The following KRTAP3-1 variants were observed in gnomAD, a reference collection of about 807,000 sequenced individuals.
KRTAP3-1 encodes the protein keratin associated protein 3-1.
Under a neutral mutation model 2.8 loss-of-function variants are expected in KRTAP3-1, and 3 were observed. That is an observed-to-expected ratio of 1.07 (90% CI 0.49 to 2.78). The LOEUF is 2.78. KRTAP3-1 is among the 30% of genes most tolerant of loss of function. KRTAP3-1 has a pLI of 0.04. For missense variants in KRTAP3-1, 130 were observed against 127.6 expected (o/e 1.02, Z -0.09); for synonymous variants, 47 against 49.1 (o/e 0.96, Z 0.18).
Position 41,008,884 on chromosome 17 carries a change from G to T in KRTAP3-1, c.191C>A (p.Thr64Asn). The change falls in exon 1 of 1, where the codon ACT becomes AAT. Residue 64 changes from threonine (T) to asparagine (N), a missense_variant. By Grantham distance (65) the Thr-to-Asn change is moderately conservative. Coordinates refer to ENST00000391588, the MANE Select transcript of KRTAP3-1 (RefSeq NM_031958.2). ...PCCKPDTYVP[T>N]CWLLNNCHPT... ...GTGACAGTTGTTGAGCAGCCAGCAA[G>T]TTGGCACATAGGTATCAGGCTTGCA... The T allele has an allele frequency of 1.9e-6, 3 of 1,614,228 alleles. No individual in the cohort carries two copies. Among genetic ancestry groups the T allele is most frequent in the Non-Finnish European group, 2.5e-6 (3 of 1,180,044 alleles).
At position 41,008,922 on chromosome 17, in the gene KRTAP3-1, G is replaced by T. The variant is rs112432710; in HGVS notation, c.153C>A (p.Cys51Ter). The change falls in exon 1 of 1, where the codon TGC (cysteine) becomes TGA (stop). Residue 51 changes from cysteine (C) to a stop codon, truncating the protein, a stop_gained. Coordinates refer to ENST00000391588, the MANE Select transcript of KRTAP3-1 (RefSeq NM_031958.2). LOFTEE classifies it high-confidence loss of function. The part of the protein sequence containing the change: ...SLLQPICCDT[C>*]PPPCCKPDTY... ...TATCAGGCTTGCAGCAGGGTGGGGG[G>T]CAGGTGTCACAGCAGATGGGCTGAA... 3.7e-6 allele frequency: 6 copies of T among 1,614,192 alleles called. No individual in the cohort carries two copies. Among genetic ancestry groups the T allele is most frequent in the Non-Finnish European group, 5.1e-6 (6 of 1,180,034 alleles).
chr17:41,008,851 G>A lies in KRTAP3-1; in HGVS notation c.224C>T (p.Pro75Leu). Reference protein sequence around the residue: ...CWLLNNCHPTPGLSGINLTTY... With the variant: ...CWLLNNCHPTLGLSGINLTTY... ...GGTCAGGTTGATCCCACTCAGTCCG[G>A]GAGTCGGGTGACAGTTGTTGAGCAG... is the stretch of plus-strand genomic sequence containing the variant. The change falls in exon 1 of 1, where the codon CCC (proline) becomes CTC (leucine). Residue 75 changes from proline (P) to leucine (L), a missense_variant. By Grantham distance (98) the Pro-to-Leu change is moderately conservative (BLOSUM62 -3). Transcript: ENST00000391588. 1 of 1,614,198 alleles carries A rather than the reference G, an allele frequency of 6.2e-7. No individual in the cohort carries two copies. Among genetic ancestry groups the A allele is most frequent in the Non-Finnish European group, 8.5e-7 (1 of 1,180,042 alleles).
At position 41,008,948 on chromosome 17, in the gene KRTAP3-1, G is replaced by A; in HGVS notation, c.127C>T (p.Leu43Phe). 1 of 1,614,252 alleles carries A rather than the reference G, an allele frequency of 6.2e-7. No individual in the cohort carries two copies. The highest frequency in any genetic ancestry group is 8.5e-7 in the Non-Finnish European group (1 of 1,180,052). Residue 43 changes from leucine to phenylalanine, a missense_variant, in exon 1 of 1, where the codon CTT becomes TTT. Transcript: ENST00000391588. ...CAGGTGTCACAGCAGATGGGCTGAA[G>A]GAGGCTGATCTCATGTGGGCAGGTG... ...PSTCPHEISL[L>F]QPICCDTCPP...
chr17:41,009,059 G>A lies in KRTAP3-1; in HGVS notation c.16C>T (p.Leu6Phe). ...CCGGTGGGGACGCTGCAGGAGCGGA[G>A]AGCACAGCAATACATGGCAATGGGA... MYCCALRSCSVPTGPA... is the reference protein window; with the variant it reads MYCCAFRSCSVPTGPA... Residue 6 changes from leucine (L) to phenylalanine (F), a missense_variant, in exon 1 of 1, where the codon CTC (leucine) becomes TTC (phenylalanine). By Grantham distance (22) the Leu-to-Phe change is conservative (BLOSUM62 0). Transcript: ENST00000391588. 1 of 1,613,934 alleles carries A rather than the reference G, an allele frequency of 6.2e-7. No individual in the cohort carries two copies. Among genetic ancestry groups the A allele is most frequent in the Non-Finnish European group, 8.5e-7 (1 of 1,179,914 alleles).
Position 41,008,754 on chromosome 17 carries a change from C to T in KRTAP3-1, c.*24G>A, listed in dbSNP as rs9891464. The T allele has an allele frequency of 8.3e-6, 13 of 1,575,736 alleles. No homozygotes were observed. Among genetic ancestry groups the T allele is most frequent in the East Asian group, 4.5e-5 (2 of 44,532 alleles). On this transcript the variant is annotated 3_prime_UTR_variant, in exon 1 of 1. Transcript: ENST00000391588. ...CAGAGGACATTGGGCAGCCACCTCA[C>T]GGAACCTGTGCAGACTCGGCTGGTT...
In KRTAP3-1 at chr17:41,008,824, G is replaced by C. The variant is rs776755530; in HGVS notation, c.251C>G (p.Thr84Ser). Residue 84 changes from threonine (T) to serine (S), a missense_variant, in exon 1 of 1, where the codon ACC (threonine) becomes AGC (serine). Thr to Ser is a moderately conservative substitution (Grantham distance 58, BLOSUM62 1). Transcript: ENST00000391588. ...ACTCTCACAGCCAGGCTGAACATAG[G>C]TGGTCAGGTTGATCCCACTCAGTCC... ...TPGLSGINLT[T>S]YVQPGCESPC... 35 of 1,613,928 alleles carry C rather than the reference G, an allele frequency of 2.2e-5. 1 individual carries two copies. The South Asian group carries it at 2.9e-4, about 13-fold the overall frequency.
In KRTAP3-1 at chr17:41,008,544, A is replaced by T; in HGVS notation, c.*234T>A. 1 of 504,290 alleles carries T rather than the reference A, an allele frequency of 2.0e-6. No individual in the cohort carries two copies. Among genetic ancestry groups the T allele is most frequent in the East Asian group, 3.0e-5 (1 of 33,614 alleles). The allele number at this position is 504,290 out of a possible 1,614,324, so 31.2% of individuals were successfully genotyped here. A position where few individuals can be genotyped will look rare whatever the true frequency, so the allele number is the denominator to read the frequency against. On this transcript the variant is annotated 3_prime_UTR_variant, in exon 1 of 1. Coordinates refer to ENST00000391588, the MANE Select transcript of KRTAP3-1 (RefSeq NM_031958.2). ...TATTTGCTAAGCCAGAATAAAGTTT[A>T]TTAACAAATGGTCAAAATGGTTATT...
Position 41,009,055 on chromosome 17 carries a change from C to T in KRTAP3-1, c.20G>A (p.Arg7His), listed in dbSNP as rs141325742. Reference protein sequence around the residue: MYCCALRSCSVPTGPAT... With the variant: MYCCALHSCSVPTGPAT... ...AGGGCCGGTGGGGACGCTGCAGGAG[C>T]GGAGAGCACAGCAATACATGGCAAT... is the stretch of plus-strand genomic sequence containing the variant. The change falls in exon 1 of 1, where the codon CGC becomes CAC. Residue 7 changes from arginine to histidine, a missense_variant. By Grantham distance (29) the Arg-to-His change is conservative. Coordinates refer to ENST00000391588, the MANE Select transcript of KRTAP3-1 (RefSeq NM_031958.2). The T allele has an allele frequency of 8.2e-5, 133 of 1,613,632 alleles. No homozygotes were observed. Among genetic ancestry groups the T allele is most frequent in the African/African-American group, 8.0e-4 (60 of 74,866 alleles).
Position 41,008,571 on chromosome 17 carries a change from C to T in KRTAP3-1, c.*207G>A. 1.9e-6 allele frequency: 1 copy of T among 525,232 alleles called. No individual in the cohort carries two copies. Among genetic ancestry groups the T allele is most frequent in the Non-Finnish European group, 3.3e-6 (1 of 299,924 alleles). The allele number at this position is 525,232 out of a possible 1,614,324, so 32.5% of individuals were successfully genotyped here. On this transcript the variant is annotated 3_prime_UTR_variant, in exon 1 of 1. Transcript: ENST00000391588. The stretch of plus-strand genomic sequence containing the variant: ...TAACAAATGGTCAAAATGGTTATTT[C>T]TCAAAGAGTGATGAAATAGCCTAAA...
rs769933808 is a variant in KRTAP3-1 at position 41,008,935 on chromosome 17, C to A, written c.140G>T (p.Cys47Phe). Residue 47 changes from cysteine (C) to phenylalanine (F), a missense_variant, in exon 1 of 1, where the codon TGC (cysteine) becomes TTC (phenylalanine). Transcript: ENST00000391588. Reference protein sequence around the residue: ...PHEISLLQPICCDTCPPPCCK... With the variant: ...PHEISLLQPIFCDTCPPPCCK... ...GCAGGGTGGGGGGCAGGTGTCACAG[C>A]AGATGGGCTGAAGGAGGCTGATCTC... 3.1e-6 allele frequency: 5 copies of A among 1,614,090 alleles called. No individual in the cohort carries two copies. The highest frequency in any genetic ancestry group is 1.3e-5 in the African/African-American group (1 of 74,916).
chr17:41,008,915 G>A lies in KRTAP3-1; in HGVS notation c.160C>T (p.Pro54Ser). The change falls in exon 1 of 1, where the codon CCC becomes TCC. Residue 54 changes from proline (P) to serine (S), a missense_variant. Pro to Ser is a moderately conservative substitution (Grantham distance 74). Transcript: ENST00000391588. ...ACATAGGTATCAGGCTTGCAGCAGG[G>A]TGGGGGGCAGGTGTCACAGCAGATG... ...QPICCDTCPP[P>S]CCKPDTYVPT... 1.9e-6 allele frequency: 3 copies of A among 1,614,252 alleles called. No homozygotes were observed. Among genetic ancestry groups the A allele is most frequent in the African/African-American group, 1.3e-5 (1 of 75,068 alleles).
rs9891464 is a variant in KRTAP3-1 at position 41,008,754 on chromosome 17, C to A, written c.*24G>T. 1,844 of 1,575,854 alleles carry A rather than the reference C, an allele frequency of 1.2e-3. 20 individuals carry two copies. In the African/African-American group the frequency reaches 0.023, roughly 19 times the overall value. On this transcript the variant is annotated 3_prime_UTR_variant, in exon 1 of 1. Coordinates refer to ENST00000391588, the MANE Select transcript of KRTAP3-1 (RefSeq NM_031958.2). ...CAGAGGACATTGGGCAGCCACCTCA[C>A]GGAACCTGTGCAGACTCGGCTGGTT... is the stretch of plus-strand genomic sequence containing the variant.
In KRTAP3-1 at chr17:41,008,895, G is replaced by C; in HGVS notation, c.180C>G (p.Thr60=). The C allele has an allele frequency of 6.2e-7, 1 of 1,614,242 alleles. No individual in the cohort carries two copies. The highest frequency in any genetic ancestry group is 8.5e-7 in the Non-Finnish European group (1 of 1,180,042). Residue 60 remains threonine, a synonymous_variant, in exon 1 of 1, where the codon ACC becomes ACG. Coordinates refer to ENST00000391588, the MANE Select transcript of KRTAP3-1 (RefSeq NM_031958.2). ...TCPPPCCKPD[T]YVPTCWLLNN... ...TGAGCAGCCAGCAAGTTGGCACATA[G>C]GTATCAGGCTTGCAGCAGGGTGGGG...
Position 41,008,857 on chromosome 17 carries a change from G to C in KRTAP3-1, c.218C>G (p.Pro73Arg), listed in dbSNP as rs370223389. The C allele has an allele frequency of 2.5e-6, 4 of 1,614,026 alleles. No homozygotes were observed. In the African/African-American group the frequency reaches 5.3e-5, roughly 22 times the overall value. ...GTTGATCCCACTCAGTCCGGGAGTC[G>C]GGTGACAGTTGTTGAGCAGCCAGCA... is the stretch of plus-strand genomic sequence containing the variant. ...PTCWLLNNCH[P>R]TPGLSGINLT... The change falls in exon 1 of 1, where the codon CCG (proline) becomes CGG (arginine). Residue 73 changes from proline to arginine, a missense_variant. Physicochemically the swap from Pro to Arg is moderately radical, Grantham distance 103. Coordinates refer to ENST00000391588, the MANE Select transcript of KRTAP3-1 (RefSeq NM_031958.2).
In KRTAP3-1 at chr17:41,009,126, G is replaced by C; in HGVS notation, c.-52C>G. 1.3e-6 allele frequency: 2 copies of C among 1,552,638 alleles called. No homozygotes were observed. The highest frequency in any genetic ancestry group is 8.8e-7 in the Non-Finnish European group (1 of 1,136,848). On this transcript the variant is annotated 5_prime_UTR_variant, in exon 1 of 1. It adds an upstream start codon to the 5' untranslated region. Coordinates refer to ENST00000391588, the MANE Select transcript of KRTAP3-1 (RefSeq NM_031958.2). ...GTTGAGAGAAGTCTGTTGGTGTCTC[G>C]ATGCTCCTCTCTTCTGCTCTGGCTC...
rs779298540 is a variant in KRTAP3-1, at chr17:41,009,045, G to A, written c.30C>T (p.Ser10=). ...AGGTGGTGGCAGGGCCGGTGGGGAC[G>A]CTGCAGGAGCGGAGAGCACAGCAAT... MYCCALRSC[S]VPTGPATTFC... The change falls in exon 1 of 1, where the codon AGC becomes AGT. Residue 10 remains serine, a synonymous_variant. Coordinates refer to ENST00000391588, the MANE Select transcript of KRTAP3-1 (RefSeq NM_031958.2). 9 of 1,614,098 alleles carry A rather than the reference G, an allele frequency of 5.6e-6. No homozygotes were observed. The highest frequency in any genetic ancestry group is 4.5e-5 in the East Asian group (2 of 44,880).
rs1289761638 is a variant in KRTAP3-1 at position 41,008,865 on chromosome 17, G to A, written c.210C>T (p.Asn70=). 3.1e-6 allele frequency: 5 copies of A among 1,614,208 alleles called. No homozygotes were observed. The highest frequency in any genetic ancestry group is 1.7e-5 in the Admixed American group (1 of 60,026). ...TYVPTCWLLN[N]CHPTPGLSGI... The stretch of plus-strand genomic sequence containing the variant: ...CACTCAGTCCGGGAGTCGGGTGACA[G>A]TTGTTGAGCAGCCAGCAAGTTGGCA... Residue 70 remains asparagine, a synonymous_variant, in exon 1 of 1, where the codon AAC becomes AAT. Coordinates refer to ENST00000391588, the MANE Select transcript of KRTAP3-1 (RefSeq NM_031958.2).
In KRTAP3-1 at chr17:41,009,036, G is replaced by T; in HGVS notation, c.39C>A (p.Thr13=). ...CCALRSCSVP[T]GPATTFCSFD... ...ATGAGCAGAAGGTGGTGGCAGGGCCGGTGGGGACGCTGCAGGAGCGGAGAG... is the reference window on the plus strand; with the variant it reads ...ATGAGCAGAAGGTGGTGGCAGGGCCTGTGGGGACGCTGCAGGAGCGGAGAG... Residue 13 remains threonine (T), a synonymous_variant, in exon 1 of 1, where the codon ACC becomes ACA. Coordinates refer to ENST00000391588, the MANE Select transcript of KRTAP3-1 (RefSeq NM_031958.2). 9.9e-6 allele frequency: 16 copies of T among 1,614,164 alleles called. No homozygotes were observed. The highest frequency in any genetic ancestry group is 2.2e-5 in the East Asian group (1 of 44,880).
rs1341794476 is a variant in KRTAP3-1 at position 41,008,775 on chromosome 17, T to TG, written c.*2dup. 1.3e-6 allele frequency: 2 copies of TG among 1,599,962 alleles called. No homozygotes were observed. The highest frequency in any genetic ancestry group is 1.7e-6 in the Non-Finnish European group (2 of 1,172,056). ...CTCACGGAACCTGTGCAGACTCGGC[T>TG]GGTTAACAGCGGGGCTCACAGGGAC... On this transcript the variant is annotated 3_prime_UTR_variant, in exon 1 of 1. Coordinates refer to ENST00000391588, the MANE Select transcript of KRTAP3-1 (RefSeq NM_031958.2).
Sources: allele counts gnomAD v4.1 joint callset, GRCh38; gene constraint gnomAD v4.1.1; transcripts MANE v1.5; gene names NCBI Gene and HGNC (gene_info 2026-07-23, HGNC 2026-07-21).